SHF: variants seen among roughly 807,000 people sequenced by gnomAD.
SHF encodes the protein Src homology 2 domain containing F.
SHF carries 30 observed loss-of-function variants against 42.4 expected under a neutral mutation model. That is an observed-to-expected ratio of 0.71 (90% CI 0.53 to 0.96). The LOEUF is 0.96. SHF is among the 40% of genes least tolerant of loss of function. SHF has a pLI of 0.00. For missense variants in SHF, 598 were observed against 634.0 expected (o/e 0.94, Z 0.61); for synonymous variants, 264 against 269.9 (o/e 0.98, Z 0.21).
intron 1 of SHF, among the ~76,000 whole-genome samples, chr15:45,182,124 C>T (rs988732664): frequency 6.6e-6 from 1 of 152,192 alleles, no homozygotes; most frequent in African/African-American, 2.4e-5. Context: ...GCAGGCCTGC[C>T]ATCTGGTTCC....
chr15:45,171,909 G>C lies in SHF; in HGVS notation c.1254C>G (p.Ser418Arg), dbSNP rs764136457. ...TGAGGGAGAGGGAGAAGTCATTCTT[G>C]CTGGTCTCACTGTTGCGCACCAGGT... is the stretch of plus-strand genomic sequence containing the variant. ...ASYLVRNSET[S>R]KNDFSLSLKS... Residue 418 changes from serine (S) to arginine (R), a missense_variant, in exon 6 of 7, where the codon AGC becomes AGG. Transcript: ENST00000690270. 1.2e-6 allele frequency: 2 copies of C among 1,613,606 alleles called. No homozygotes were observed. The highest frequency in any genetic ancestry group is 1.7e-6 in the Non-Finnish European group (2 of 1,179,846).
At chr15:45,198,867 C>G in exon 2 of SHF, 1 of 1,613,988 alleles carries the variant, frequency 6.2e-7, no homozygotes, top group South Asian at 1.1e-5. Flanking sequence ...CCATTAGCCA[C>G]GGGCTGTGGT....
chr15:45,184,463 GTT>G (rs1444579511), intron 1 of SHF, among the ~76,000 whole-genome samples: 1 of 152,128 alleles, frequency 6.6e-6, no homozygotes, highest in Non-Finnish European at 1.5e-5. Context: ...ATTTCTGGCG[GTT>G]CATGAAGCCC....
chr15:45,171,796 T>A, intron 6 of SHF, 87 bp downstream of exon 6: 1 of 1,436,798 alleles, frequency 7.0e-7, no homozygotes, highest in Non-Finnish European at 9.5e-7. Context: ...GATGGGGACC[T>A]CCCCAGCTTG....
At position 45,167,918 on chromosome 15, in the gene SHF, A is replaced by C; in HGVS notation, c.*29T>G. ...AGGTGATGGGCACAGGGCTGGGTAC[A>C]GGTCTATCACAGTGCCCTGGCTTCA... On this transcript the variant is annotated 3_prime_UTR_variant, in exon 7 of 7. Transcript: ENST00000690270. The C allele has an allele frequency of 6.5e-7, 1 of 1,546,082 alleles. No individual in the cohort carries two copies. Among genetic ancestry groups the C allele is most frequent in the Admixed American group, 1.8e-5 (1 of 55,180 alleles).
rs764400415 is a variant in SHF, at chr15:45,172,128, G to A, written c.1160+19C>T. On this transcript the variant is annotated intron_variant, in intron 5 of 6. Coordinates refer to ENST00000690270, the MANE Select transcript of SHF (RefSeq NM_001394037.1). ...GGGAGGAGTGGGGAGGGAGTCCCCAGCTGGACACAGACACTCACACCTGGT... is the reference window on the plus strand; with the variant it reads ...GGGAGGAGTGGGGAGGGAGTCCCCAACTGGACACAGACACTCACACCTGGT... 3.7e-6 allele frequency: 6 copies of A among 1,613,876 alleles called. No individual in the cohort carries two copies. Among genetic ancestry groups the A allele is most frequent in the Non-Finnish European group, 5.1e-6 (6 of 1,179,842 alleles).
intron 6 of SHF, among the ~76,000 whole-genome samples, chr15:45,168,351 G>C (rs781068690): frequency 6.6e-6 from 1 of 152,184 alleles, no homozygotes; most frequent in Non-Finnish European, 1.5e-5. Flanking sequence ...AAGGCCACTG[G>C]TTGTGCCAAG....
chr15:45,189,340 C>G (rs1409930417), upstream of SHF, among the ~76,000 whole-genome samples: 4 of 151,642 alleles, frequency 2.6e-5, no homozygotes, highest in East Asian at 7.7e-4. Context: ...TACCCCACCC[C>G]CTTTCCCCCA....
At chr15:45,189,019 C>T (rs188485758), upstream of SHF, among the ~76,000 whole-genome samples, 392 of 151,986 alleles carry the variant, frequency 2.6e-3, 3 homozygotes, top group African/African-American at 9.1e-3. Flanking sequence ...GGTGAAACCC[C>T]GTCTCTACCA....
intron 2 of SHF, among the ~76,000 whole-genome samples, 184 bp from the exon 3 acceptor site, chr15:45,175,609 C>A (rs1294263869): frequency 6.6e-6 from 1 of 152,128 alleles, no homozygotes; most frequent in East Asian, 1.9e-4. Flanking sequence ...TCTCTAAAAG[C>A]AAGGGAGCCA....
intron 2 of SHF, 124 bp from the exon 3 acceptor site, chr15:45,175,549 A>G: frequency 4.2e-6 from 4 of 952,086 alleles, no homozygotes; most frequent in Non-Finnish European, 3.1e-6. Flanking sequence ...CTCTGGGGGG[A>G]GCTCAGCAAC....
At chr15:45,175,491 AAT>A in intron 2 of SHF, 66 bp from the exon 3 acceptor site, 4 of 1,499,090 alleles carry the variant, frequency 2.7e-6, no homozygotes, top group Non-Finnish European at 3.6e-6. Flanking sequence ...CCCCTCCTCC[AAT>A]GCTTCTCAGC....
intron 3 of SHF, 139 bp downstream of exon 3, chr15:45,175,079 TG>T: frequency 1.1e-6 from 1 of 901,730 alleles, no homozygotes; most frequent in Non-Finnish European, 1.7e-6. Context: ...CCACCCCCTA[TG>T]GTACAGAACT....
rs1359127581 is a variant in SHF at position 45,198,972 on chromosome 15, TG to T, written c.102del (p.Lys35ArgfsTer4). 2 of 1,613,460 alleles carry T rather than the reference TG, an allele frequency of 1.2e-6. No homozygotes were observed. The highest frequency in any genetic ancestry group is 1.1e-5 in the South Asian group (1 of 91,064). On this transcript the variant is annotated frameshift_variant, in exon 2 of 8. Transcript: ENST00000290894. LOFTEE classifies it high-confidence loss of function. Reference sequence around the variant, plus strand: ...GGCTGGGCGGAACTCAGACTACCCTTGGGGGATGCCCGTTTCCTATGCCCCG... The same window carrying T: ...GGCTGGGCGGAACTCAGACTACCCTTGGGGATGCCCGTTTCCTATGCCCCG...
chr15:45,200,481 C>G (rs1391062134), intron 1 of SHF: 2 of 343,658 alleles, frequency 5.8e-6, no homozygotes, highest in African/African-American at 4.3e-5. Flanking sequence ...TATACGATCA[C>G]GGCGAGCTAC....
intron 2 of SHF, among the ~76,000 whole-genome samples, chr15:45,177,767 C>A (rs1239609889): frequency 6.6e-6 from 1 of 152,148 alleles, no homozygotes; most frequent in African/African-American, 2.4e-5. Context: ...GACTACTTGC[C>A]CAGGCTCATG....
chr15:45,195,543 G>A (rs1270717521), intron 2 of SHF, among the ~76,000 whole-genome samples: 1 of 151,860 alleles, frequency 6.6e-6, no homozygotes, highest in African/African-American at 2.4e-5. Flanking sequence ...CTTCTCTCAG[G>A]CCACATTCTT....
At position 45,172,220 on chromosome 15, in the gene SHF, T is replaced by C; in HGVS notation, c.1087A>G (p.Lys363Glu). The C allele has an allele frequency of 1.2e-6, 2 of 1,613,862 alleles. No individual in the cohort carries two copies. Among genetic ancestry groups the C allele is most frequent in the Non-Finnish European group, 1.7e-6 (2 of 1,179,800 alleles). Reference sequence around the variant, plus strand: ...CTGCTGGGCTCCATGCTTAGGGGTTTGGCTGACTTGGGGTTCCCTGCAGAG... The same window carrying C: ...CTGCTGGGCTCCATGCTTAGGGGTTCGGCTGACTTGGGGTTCCCTGCAGAG... ...RLSAGNPKSA[K>E]PLSMEPSSPL... Residue 363 changes from lysine (K) to glutamate (E), a missense_variant, in exon 5 of 7, where the codon AAA (lysine) becomes GAA (glutamate). Transcript: ENST00000690270.
chr15:45,168,781 A>G (rs1897336199), intron 6 of SHF, among the ~76,000 whole-genome samples: 1 of 152,156 alleles, frequency 6.6e-6, no homozygotes, highest in Non-Finnish European at 1.5e-5. Context: ...TTCAGCCTAC[A>G]ATGACTTCAC....
Sources: allele counts gnomAD v4.1 joint callset (sites outside exome capture counted in the v4.1 genomes callset), GRCh38; gene constraint gnomAD v4.1.1; transcripts MANE v1.5; gene names NCBI Gene and HGNC (gene_info 2026-07-23, HGNC 2026-07-21).